Variants in IRF2BP2 observed in about 807,000 individuals in gnomAD.
IRF2BP2 encodes the protein interferon regulatory factor 2-binding protein 2.
Under a neutral mutation model 32.7 loss-of-function variants are expected in IRF2BP2, and 13 were observed. The ratio of observed to expected loss-of-function variants is 0.40; its 90% CI spans 0.26 to 0.63. The LOEUF (loss-of-function observed/expected upper bound fraction) is 0.63, where lower values mean the gene tolerates loss of function less well. Ranked by LOEUF, IRF2BP2 falls within the 30% of genes least tolerant of loss-of-function variation. The pLI is 0.42. For synonymous variants in IRF2BP2, 555 were observed against 384.6 expected (o/e 1.44, Z -5.18); for missense variants, 980 against 830.6 (o/e 1.18, Z -2.21).
rs1028847050 is a variant in IRF2BP2 at position 234,608,010 on chromosome 1, G to A, written c.1049-158C>T. ...TCATATACGAGTTTCAGGTGCACAT[G>A]CAACTTAAAACCTTCAGGCGTACGG... On this transcript the variant is annotated intron_variant, in intron 1 of 1. Coordinates refer to ENST00000366609, the MANE Select transcript of IRF2BP2 (RefSeq NM_182972.3). The A allele has an allele frequency of 1.3e-5, 8 of 623,486 alleles. No individual in the cohort carries two copies. In the South Asian group the frequency reaches 1.5e-4, roughly 12 times the overall value. The allele number at this position is 623,486 out of a possible 1,614,324, so 38.6% of individuals were successfully genotyped here. A position where few individuals can be genotyped will look rare whatever the true frequency, so the allele number is the denominator to read the frequency against.
At chr1:234,608,302 C>T (rs1438604910) in intron 1 of IRF2BP2, 145 bp downstream of exon 1, 3 of 677,714 alleles carry the variant, frequency 4.4e-6, no homozygotes, top group African/African-American at 1.9e-5. Context: ...TGCCACCAAG[C>T]ACTGGTTCCG....
chr1:234,609,264 G>C lies in IRF2BP2; in HGVS notation c.231C>G (p.Ala77=). 2 of 1,382,394 alleles carry C rather than the reference G, an allele frequency of 1.4e-6. No individual in the cohort carries two copies. The highest frequency in any genetic ancestry group is 3.1e-5 in the East Asian group (1 of 32,460). 85.6% of individuals were successfully genotyped at this position (1,382,394 alleles called of 1,614,324 possible). A position where few individuals can be genotyped will look rare whatever the true frequency, so the allele number is the denominator to read the frequency against. Residue 77 remains alanine, a synonymous_variant, in exon 1 of 2, where the codon GCC becomes GCG. Transcript: ENST00000366609. ...GCGGCGGCGGCTTGGCGGCGGCCGA[G>C]GCCGCGGCGCCGGGTGGGGAGCGAC... ...PEGRSPPGAA[A]SAAAKPPPLS... is the part of the protein sequence containing the mutation.
At position 234,607,445 on chromosome 1, in the gene IRF2BP2, C is replaced by T. The variant is rs1376485957; in HGVS notation, c.1456G>A (p.Glu486Lys). ...GQGAGNTGGL[E>K]PVHPASLPDS... ...GGGAGGCTGGCAGGGTGCACTGGCT[C>T]CAGTCCTCCTGTGTTGCCTGCTCCC... Residue 486 changes from glutamate to lysine, a missense_variant, in exon 2 of 2, where the codon GAG (glutamate) becomes AAG (lysine). Physicochemically the swap from Glu to Lys is moderately conservative, Grantham distance 56. Transcript: ENST00000366609. 1.2e-6 allele frequency: 2 copies of T among 1,614,136 alleles called. No individual in the cohort carries two copies. Among genetic ancestry groups the T allele is most frequent in the Non-Finnish European group, 1.7e-6 (2 of 1,180,000 alleles).
Position 234,607,104 on chromosome 1 carries a change from G to T in IRF2BP2, c.*33C>A. On this transcript the variant is annotated 3_prime_UTR_variant, in exon 2 of 2. Coordinates refer to ENST00000366609, the MANE Select transcript of IRF2BP2 (RefSeq NM_182972.3). ...TACAATTCAAGCAGTTTTAATTAAG[G>T]GTAATCATTGGGTTTTTCTGAAACC... 1.3e-6 allele frequency: 2 copies of T among 1,481,704 alleles called. No individual in the cohort carries two copies. The highest frequency in any genetic ancestry group is 9.3e-7 in the Non-Finnish European group (1 of 1,070,040). The allele number at this position is 1,481,704 out of a possible 1,614,324, so 91.8% of individuals were successfully genotyped here. A position where few individuals can be genotyped will look rare whatever the true frequency, so the allele number is the denominator to read the frequency against.
In IRF2BP2 at chr1:234,607,448, G is replaced by C; in HGVS notation, c.1453C>G (p.Leu485Val). The C allele has an allele frequency of 2.5e-6, 4 of 1,614,196 alleles. No individual in the cohort carries two copies. Among genetic ancestry groups the C allele is most frequent in the Non-Finnish European group, 3.4e-6 (4 of 1,180,012 alleles). ...GGQGAGNTGG[L>V]EPVHPASLPD... ...AGGCTGGCAGGGTGCACTGGCTCCAGTCCTCCTGTGTTGCCTGCTCCCTGG... is the reference window on the plus strand; with the variant it reads ...AGGCTGGCAGGGTGCACTGGCTCCACTCCTCCTGTGTTGCCTGCTCCCTGG... Residue 485 changes from leucine to valine, a missense_variant, in exon 2 of 2, where the codon CTG becomes GTG. By Grantham distance (32) the Leu-to-Val change is conservative. Coordinates refer to ENST00000366609, the MANE Select transcript of IRF2BP2 (RefSeq NM_182972.3).
chr1:234,608,119 G>C (rs1008740147), intron 1 of IRF2BP2: 1 of 540,366 alleles, frequency 1.9e-6, no homozygotes, highest in Non-Finnish European at 3.3e-6. Flanking sequence ...ATGCACAAAA[G>C]TACCCTCGTT....
In IRF2BP2 at chr1:234,608,623, C is replaced by T. The variant is rs779713574; in HGVS notation, c.872G>A (p.Arg291His). The change falls in exon 1 of 2, where the codon CGC (arginine) becomes CAC (histidine). Residue 291 changes from arginine to histidine, a missense_variant. Transcript: ENST00000366609. The part of the protein sequence containing the change: ...ELSAEGAGKS[R>H]GSGEQDWVNR... ...GACCCAGTCCTGCTCTCCAGACCCG[C>T]GGCTCTTGCCCGCACCTTCCGCGCT... 5.1e-6 allele frequency: 8 copies of T among 1,571,212 alleles called. No homozygotes were observed. Among genetic ancestry groups the T allele is most frequent in the Admixed American group, 1.8e-5 (1 of 55,824 alleles).
rs1672262843 is a variant in IRF2BP2, at chr1:234,609,015, G to A, written c.480C>T (p.Asn160=). The A allele has an allele frequency of 5.2e-6, 7 of 1,333,960 alleles. No homozygotes were observed. The highest frequency in any genetic ancestry group is 4.6e-5 in the South Asian group (2 of 43,648). 82.6% of individuals were successfully genotyped at this position (1,333,960 alleles called of 1,614,324 possible). ...GCGGCTCCTCTAGCTTGGAGAAGCCGTTGGGCACCAGGATGCCGTTCACGG... is the reference window on the plus strand; with the variant it reads ...GCGGCTCCTCTAGCTTGGAGAAGCCATTGGGCACCAGGATGCCGTTCACGG... ...PPPVNGILVP[N]GFSKLEEPPE... The change falls in exon 1 of 2, where the codon AAC becomes AAT. Residue 160 remains asparagine, a synonymous_variant. Coordinates refer to ENST00000366609, the MANE Select transcript of IRF2BP2 (RefSeq NM_182972.3).
In IRF2BP2 at chr1:234,605,358, A is replaced by C. The variant is rs976126902; in HGVS notation, c.*1779T>G. On this transcript the variant is annotated 3_prime_UTR_variant, in exon 2 of 2. Coordinates refer to ENST00000366609, the MANE Select transcript of IRF2BP2 (RefSeq NM_182972.3). ...AGTGTAACAACTGGTTAATCATGCAAGTCTGTTTGTAATATAACAATGACT... is the reference window on the plus strand; with the variant it reads ...AGTGTAACAACTGGTTAATCATGCACGTCTGTTTGTAATATAACAATGACT... The C allele has an allele frequency of 2.6e-5, 4 of 152,266 alleles. No homozygotes were observed. Among genetic ancestry groups the C allele is most frequent in the Non-Finnish European group, 4.4e-5 (3 of 68,038 alleles). 9.4% of individuals were successfully genotyped at this position (152,266 alleles called of 1,614,324 possible). A position where few individuals can be genotyped will look rare whatever the true frequency, so the allele number is the denominator to read the frequency against.
chr1:234,608,926 G>T lies in IRF2BP2; in HGVS notation c.569C>A (p.Pro190Gln), dbSNP rs1558309544. Residue 190 changes from proline (P) to glutamine (Q), a missense_variant, in exon 1 of 2, where the codon CCG becomes CAG. By Grantham distance (76) the Pro-to-Gln change is moderately conservative. Coordinates refer to ENST00000366609, the MANE Select transcript of IRF2BP2 (RefSeq NM_182972.3). ...CGGCGTGGCCGAGCCGTTCATGAGC[G>T]GCACCAGGGTGGGCGGCACCGCGTG... ...RGHAVPPTLVPLMNGSATPLP... is the reference protein window; with the variant it reads ...RGHAVPPTLVQLMNGSATPLP... 4.4e-6 allele frequency: 6 copies of T among 1,367,740 alleles called. No homozygotes were observed. In the South Asian group the frequency reaches 7.8e-5, roughly 18 times the overall value. 84.7% of individuals were successfully genotyped at this position (1,367,740 alleles called of 1,614,324 possible). A position where few individuals can be genotyped will look rare whatever the true frequency, so the allele number is the denominator to read the frequency against.
chr1:234,608,295 C>A (rs753424910), intron 1 of IRF2BP2, 152 bp downstream of exon 1: 262 of 648,186 alleles, frequency 4.0e-4, no homozygotes, highest in Non-Finnish European at 5.8e-4. Context: ...AACACGTTGC[C>A]ACCAAGCACT....
chr1:234,607,276 C>T lies in IRF2BP2; in HGVS notation c.1625G>A (p.Gly542Glu), dbSNP rs764011557. ...GGGACAATAGACCTCTCCACTAGCT[C>T]CCTGCTGTTTGATGCTTTGTCTGGA... ...PCSRQSIKQQGASGEVYCPSG... is the reference protein window; with the variant it reads ...PCSRQSIKQQEASGEVYCPSG... The change falls in exon 2 of 2, where the codon GGA becomes GAA. Residue 542 changes from glycine to glutamate, a missense_variant. Gly to Glu is a moderately conservative substitution (Grantham distance 98). Transcript: ENST00000366609. 2.5e-6 allele frequency: 4 copies of T among 1,614,242 alleles called. No homozygotes were observed. The highest frequency in any genetic ancestry group is 3.4e-6 in the Non-Finnish European group (4 of 1,180,042).
At position 234,609,533 on chromosome 1, in the gene IRF2BP2, A is replaced by C; in HGVS notation, c.-39T>G. The C allele has an allele frequency of 7.6e-7, 1 of 1,307,412 alleles. No individual in the cohort carries two copies. The highest frequency in any genetic ancestry group is 1.0e-6 in the Non-Finnish European group (1 of 999,786). 81.0% of individuals were successfully genotyped at this position (1,307,412 alleles called of 1,614,324 possible). On this transcript the variant is annotated 5_prime_UTR_variant, in exon 1 of 2. Coordinates refer to ENST00000366609, the MANE Select transcript of IRF2BP2 (RefSeq NM_182972.3). The stretch of plus-strand genomic sequence containing the variant: ...GCGACGCCGGAGGAGGAGGCGGAGG[A>C]GGAGGAGGGGGCGCCGCCGCCGCCC...
chr1:234,608,460 G>A lies in IRF2BP2; in HGVS notation c.1035C>T (p.Asn345=), dbSNP rs1448050669. The change falls in exon 1 of 2, where the codon AAC becomes AAT. Residue 345 remains asparagine, a synonymous_variant. Coordinates refer to ENST00000366609, the MANE Select transcript of IRF2BP2 (RefSeq NM_182972.3). The part of the protein sequence containing the change: ...RLLGFEANGA[N]GSKAVARTAR... ...AGCCGCCCCTACCTGCTTTAGACCC[G>A]TTGGCCCCGTTGGCCTCGAAACCCA... The A allele has an allele frequency of 1.9e-6, 3 of 1,582,948 alleles. No homozygotes were observed. The highest frequency in any genetic ancestry group is 2.3e-5 in the South Asian group (2 of 86,484).
In IRF2BP2 at chr1:234,605,780, T is replaced by G. The variant is rs1342932382; in HGVS notation, c.*1357A>C. On this transcript the variant is annotated 3_prime_UTR_variant, in exon 2 of 2. Coordinates refer to ENST00000366609, the MANE Select transcript of IRF2BP2 (RefSeq NM_182972.3). ...ACAACTATTTCTAATAATTGATGAT[T>G]TATTGGTTTTAAAAAAATCATTTTA... The G allele has an allele frequency of 6.6e-6, 1 of 152,226 alleles. No individual in the cohort carries two copies. The highest frequency in any genetic ancestry group is 1.9e-4 in the East Asian group (1 of 5,204). 9.4% of individuals were successfully genotyped at this position (152,226 alleles called of 1,614,324 possible).
In IRF2BP2 at chr1:234,609,211, T is replaced by G; in HGVS notation, c.284A>C (p.Gln95Pro). The G allele has an allele frequency of 7.5e-7, 1 of 1,325,824 alleles. No individual in the cohort carries two copies. Among genetic ancestry groups the G allele is most frequent in the Non-Finnish European group, 9.6e-7 (1 of 1,042,494 alleles). The allele number at this position is 1,325,824 out of a possible 1,614,324, so 82.1% of individuals were successfully genotyped here. A position where few individuals can be genotyped will look rare whatever the true frequency, so the allele number is the denominator to read the frequency against. ...PLSAKDILLQ[Q>P]QQQLGHGGPE... ...GCCGCCGTGGCCAAGCTGCTGCTGCTGCTGCAAAAGGATGTCCTTGGCGGA... is the reference window on the plus strand; with the variant it reads ...GCCGCCGTGGCCAAGCTGCTGCTGCGGCTGCAAAAGGATGTCCTTGGCGGA... Residue 95 changes from glutamine (Q) to proline (P), a missense_variant, in exon 1 of 2, where the codon CAG (glutamine) becomes CCG (proline). By Grantham distance (76) the Gln-to-Pro change is moderately conservative (BLOSUM62 -1). Transcript: ENST00000366609.
Position 234,609,408 on chromosome 1 carries a change from G to A in IRF2BP2, c.87C>T (p.Ile29=), listed in dbSNP as rs1221056719. Residue 29 remains isoleucine (I), a synonymous_variant, in exon 1 of 2, where the codon ATC becomes ATT. Coordinates refer to ENST00000366609, the MANE Select transcript of IRF2BP2 (RefSeq NM_182972.3). ...GGCAGACGGGTTCGGTGAAGTCCCA[G>A]ATCATGGCCCAGGGCATGCGGGGCA... is the stretch of plus-strand genomic sequence containing the variant. ...CDLPRMPWAM[I]WDFTEPVCRG... 7 of 1,566,050 alleles carry A rather than the reference G, an allele frequency of 4.5e-6. No individual in the cohort carries two copies. Among genetic ancestry groups the A allele is most frequent in the Non-Finnish European group, 5.2e-6 (6 of 1,158,644 alleles).
In IRF2BP2 at chr1:234,607,178, G is replaced by A; in HGVS notation, c.1723C>T (p.Leu575Phe). The A allele has an allele frequency of 6.2e-7, 1 of 1,612,766 alleles. No homozygotes were observed. Among genetic ancestry groups the A allele is most frequent in the Non-Finnish European group, 8.5e-7 (1 of 1,178,868 alleles). Residue 575 changes from leucine to phenylalanine, a missense_variant, in exon 2 of 2, where the codon CTT becomes TTT. Coordinates refer to ENST00000366609, the MANE Select transcript of IRF2BP2 (RefSeq NM_182972.3). ...TTTTTCACTTTCACATCTCCAGCAA[G>A]GATGGTTGCAATTTCCCCTTGCATA... ...AFMQGEIATI[L>F]AGDVKVKKER...
Position 234,607,743 on chromosome 1 carries a change from C to A in IRF2BP2, c.1158G>T (p.Gly386=), listed in dbSNP as rs959729592. Residue 386 remains glycine (G), a synonymous_variant, in exon 2 of 2, where the codon GGG becomes GGT. Coordinates refer to ENST00000366609, the MANE Select transcript of IRF2BP2 (RefSeq NM_182972.3). ...ATGTAGGAGTCATGGGGATCTTGAG[C>A]CCCTCTGTGGATGTGGACAGCCACG... The part of the protein sequence containing the change: ...AQPWLSTSTE[G]LKIPMTPTSS... 2 of 1,614,004 alleles carry A rather than the reference C, an allele frequency of 1.2e-6. No individual in the cohort carries two copies. Among genetic ancestry groups the A allele is most frequent in the African/African-American group, 2.7e-5 (2 of 74,912 alleles).
Sources: allele counts gnomAD v4.1 joint callset, GRCh38; gene constraint gnomAD v4.1.1; transcripts MANE v1.5; gene names NCBI Gene and HGNC (gene_info 2026-07-23, HGNC 2026-07-21).